BLTP3B: variants seen among roughly 807,000 people sequenced by gnomAD.
BLTP3B encodes UHRF1 (ICBP90) binding protein 1-like.
the BLTP3B span, among the ~76,000 whole-genome samples, chr12:100,065,164 T>C: frequency 9.2e-5 from 14 of 152,300 alleles, no homozygotes; most frequent in African/African-American, 2.9e-4. Context: ...TTTTTATGCC[T>C]GTCTTACTTT....
At chr12:100,071,388 T>C in the BLTP3B span, among the ~76,000 whole-genome samples, 1 of 150,380 alleles carries the variant, frequency 6.6e-6, no homozygotes, top group African/African-American at 2.5e-5. Context: ...TCCCAGCTAC[T>C]CGGAAGCCTG....
the BLTP3B span, chr12:100,057,499 A>C: frequency 7.9e-7 from 1 of 1,271,970 alleles, no homozygotes; most frequent in East Asian, 2.5e-5. Context: ...TACTGAATAT[A>C]ACTAAAAGCA....
At chr12:100,046,985 C>T in the BLTP3B span, among the ~76,000 whole-genome samples, 2 of 152,142 alleles carry the variant, frequency 1.3e-5, no homozygotes, top group African/African-American at 4.8e-5. Flanking sequence ...ACATTCAAAA[C>T]ACATTTGTAC....
At chr12:100,126,510 C>G in the BLTP3B span, among the ~76,000 whole-genome samples, 2 of 151,952 alleles carry the variant, frequency 1.3e-5, no homozygotes, top group Admixed American at 6.6e-5. Context: ...CATCCAATTA[C>G]TGACTCAACT....
At chr12:100,101,025 T>C in the BLTP3B span, among the ~76,000 whole-genome samples, 4 of 152,196 alleles carry the variant, frequency 2.6e-5, no homozygotes, top group African/African-American at 9.6e-5. Flanking sequence ...GGAAGAACAC[T>C]ATCAACTATA....
chr12:100,071,781 C>G, the BLTP3B span, among the ~76,000 whole-genome samples: 1 of 152,074 alleles, frequency 6.6e-6, no homozygotes, highest in Admixed American at 6.6e-5. Context: ...TTCTCTACAG[C>G]TAAAAGGACA....
chr12:100,051,351 G>T, the BLTP3B span: 4 of 720,028 alleles, frequency 5.6e-6, no homozygotes, highest in Non-Finnish European at 8.2e-6. Context: ...TTAAAAAATG[G>T]ACCAAGAAAA....
chr12:100,039,904 G>A, the BLTP3B span: 3 of 911,052 alleles, frequency 3.3e-6, no homozygotes, highest in Admixed American at 3.4e-5. Flanking sequence ...TAGTTATGAG[G>A]ATAGTAGTAT....
chr12:100,104,974 G>A, the BLTP3B span, among the ~76,000 whole-genome samples: 5 of 150,198 alleles, frequency 3.3e-5, no homozygotes, highest in African/African-American at 1.2e-4. Context: ...ACAAAACACT[G>A]TGGAAAATCA....
the BLTP3B span, among the ~76,000 whole-genome samples, chr12:100,068,564 A>G: frequency 6.6e-6 from 1 of 152,248 alleles, no homozygotes; most frequent in Non-Finnish European, 1.5e-5. Flanking sequence ...CAACCCACAA[A>G]GTGGGAAAAA....
At chr12:100,119,705 G>C in the BLTP3B span, among the ~76,000 whole-genome samples, 1 of 151,956 alleles carries the variant, frequency 6.6e-6, no homozygotes, top group Non-Finnish European at 1.5e-5. Context: ...TTTTTAAGAA[G>C]TGGTACCAGA....
chr12:100,110,702 C>T, the BLTP3B span, among the ~76,000 whole-genome samples: 1 of 151,582 alleles, frequency 6.6e-6, no homozygotes, highest in Non-Finnish European at 1.5e-5. Flanking sequence ...GAGAAGTTAA[C>T]TAGGCAAGGA....
At chr12:100,049,199 CTAGCAAAA>C in the BLTP3B span, among the ~76,000 whole-genome samples, 1 of 151,894 alleles carries the variant, frequency 6.6e-6, no homozygotes, top group African/African-American at 2.4e-5. Context: ...AATGAGCTCC[CTAGCAAAA>C]AAGATAAAAA....
the BLTP3B span, among the ~76,000 whole-genome samples, chr12:100,110,491 C>T: frequency 6.6e-6 from 1 of 152,084 alleles, no homozygotes; most frequent in African/African-American, 2.4e-5. Flanking sequence ...AGCCAGAAGA[C>T]AACACTCAAT....
At chr12:100,125,285 A>T in the BLTP3B span, among the ~76,000 whole-genome samples, 1 of 142,822 alleles carries the variant, frequency 7.0e-6, no homozygotes. Context: ...GTGAGCCAAG[A>T]TTGCGCCACT....
chr12:100,112,317 T>C, the BLTP3B span, among the ~76,000 whole-genome samples: 3 of 152,076 alleles, frequency 2.0e-5, no homozygotes, highest in Admixed American at 2.0e-4. Context: ...TGAGTGACTA[T>C]ATTAGTGAGA....
At chr12:100,056,565 TG>T in the BLTP3B span, among the ~76,000 whole-genome samples, 1 of 152,000 alleles carries the variant, frequency 6.6e-6, no homozygotes, top group African/African-American at 2.4e-5. Context: ...AGGCCAGGCA[TG>T]GTGGCTCATG....
At chr12:100,071,497 CAAAAA>C in the BLTP3B span, among the ~76,000 whole-genome samples, 8 of 78,718 alleles carry the variant, frequency 1.0e-4, no homozygotes, top group African/African-American at 3.4e-4. Context: ...ACTATGTCTC[CAAAAA>C]AAAAAAAAAA....
the BLTP3B span, among the ~76,000 whole-genome samples, chr12:100,107,473 A>C: frequency 6.6e-6 from 1 of 151,404 alleles, no homozygotes; most frequent in East Asian, 2.0e-4. Context: ...ATCTCTACTA[A>C]AATACAAAAA....
Sources: allele counts gnomAD v4.1 joint callset (sites outside exome capture counted in the v4.1 genomes callset), GRCh38; gene constraint gnomAD v4.1.1; transcripts MANE v1.5; gene names NCBI Gene and HGNC (gene_info 2026-07-23, HGNC 2026-07-21).